SYT9: variants seen among roughly 807,000 people sequenced by gnomAD.
SYT9 encodes synaptotagmin-9.
In SYT9, 22 loss-of-function variants were observed where a neutral mutation model predicts 48.4. That is an observed-to-expected ratio of 0.45 (90% CI 0.32 to 0.65). The LOEUF is 0.65. Ranked by LOEUF, SYT9 falls within the 30% of genes least tolerant of loss-of-function variation. The pLI is 0.03. For synonymous variants in SYT9, 265 were observed against 245.0 expected, an observed-to-expected ratio of 1.08 and a Z score of -0.76; for missense variants, 577 against 622.0, an observed-to-expected ratio of 0.93 and a Z score of 0.77.
chr11:7,438,273 G>A (rs189443134), intron 6 of SYT9: 1 of 152,294 alleles, frequency 6.6e-6, no homozygotes, highest in East Asian at 1.9e-4. Context: ...AGAGGGAGGG[G>A]ATAACTGCTG....
chr11:7,407,328 T>C (rs916494992), intron 3 of SYT9, among the ~76,000 whole-genome samples: 8 of 151,774 alleles, frequency 5.3e-5, no homozygotes, highest in African/African-American at 1.9e-4. Context: ...TTTAGTAGTT[T>C]TACAGTCTCA....
At position 7,415,968 on chromosome 11, in the gene SYT9, T is replaced by A. The variant is rs1847238498; in HGVS notation, c.1045-74T>A. On this transcript the variant is annotated intron_variant, in intron 3 of 6. Coordinates refer to ENST00000318881, the MANE Select transcript of SYT9 (RefSeq NM_175733.4). Reference sequence around the variant, plus strand: ...AGGGGCAGTGTGTTCCCTTTCAGTGTGGCCTGAAGCTGAGCCTCTTGCACA... The same window carrying A: ...AGGGGCAGTGTGTTCCCTTTCAGTGAGGCCTGAAGCTGAGCCTCTTGCACA... 13 of 1,590,840 alleles carry A rather than the reference T, an allele frequency of 8.2e-6. No individual in the cohort carries two copies. In the South Asian group the frequency reaches 1.5e-4, roughly 18 times the overall value.
chr11:7,319,611 TA>T (rs1849304650), intron 3 of SYT9, among the ~76,000 whole-genome samples: 1 of 152,194 alleles, frequency 6.6e-6, no homozygotes, highest in African/African-American at 2.4e-5. Context: ...TTTCTTATGG[TA>T]GTGCAAGTTT....
At position 7,313,541 on chromosome 11, in the gene SYT9, G is replaced by A. The variant is rs753974212; in HGVS notation, c.644G>A (p.Arg215Gln). 65 of 1,613,994 alleles carry A rather than the reference G, an allele frequency of 4.0e-5. No homozygotes were observed. The East Asian group carries it at 4.2e-4, about 11-fold the overall frequency. ...TCATTGGATAATGATGACGGGAGAC[G>A]GAGTAACAGCAAGGCTTGTGGGAAA... ...QRSLDNDDGR[R>Q]SNSKACGKLN... Residue 215 changes from arginine to glutamine, a missense_variant, in exon 3 of 7, where the codon CGG (arginine) becomes CAG (glutamine). Arg to Gln is a conservative substitution (Grantham distance 43, BLOSUM62 1). Transcript: ENST00000318881.
chr11:7,246,236 A>G (rs1026464971), intron 1 of SYT9, among the ~76,000 whole-genome samples: 3 of 152,186 alleles, frequency 2.0e-5, no homozygotes, highest in African/African-American at 7.2e-5. Context: ...GCTGGCCACC[A>G]GTGGCCTAGT....
intron 1 of SYT9, among the ~76,000 whole-genome samples, chr11:7,269,036 A>G (rs1195784487): frequency 6.6e-6 from 1 of 152,106 alleles, no homozygotes; most frequent in Non-Finnish European, 1.5e-5. Context: ...AGGCCTGGCT[A>G]TATCATAGCA....
At chr11:7,332,107 C>G (rs1849545025) in intron 3 of SYT9, among the ~76,000 whole-genome samples, 1 of 152,094 alleles carries the variant, frequency 6.6e-6, no homozygotes, top group African/African-American at 2.4e-5. Context: ...TCAAGTGAAA[C>G]CCATAAAGAA....
chr11:7,313,381 G>A lies in SYT9; in HGVS notation c.498-14G>A. Reference sequence around the variant, plus strand: ...TAAGGTTATAACTTTGTTCTGTGTTGCTCTTCATTCAAGGCATAATTCAAT... The same window carrying A: ...TAAGGTTATAACTTTGTTCTGTGTTACTCTTCATTCAAGGCATAATTCAAT... On this transcript the variant is annotated splice_polypyrimidine_tract_variant and intron_variant, in intron 2 of 6. Coordinates refer to ENST00000318881, the MANE Select transcript of SYT9 (RefSeq NM_175733.4). 1 of 1,596,078 alleles carries A rather than the reference G, an allele frequency of 6.3e-7. No individual in the cohort carries two copies. Among genetic ancestry groups the A allele is most frequent in the African/African-American group, 1.3e-5 (1 of 74,350 alleles).
At chr11:7,390,917 C>T (rs1309743163) in intron 3 of SYT9, among the ~76,000 whole-genome samples, 1 of 152,046 alleles carries the variant, frequency 6.6e-6, no homozygotes, top group Non-Finnish European at 1.5e-5. Flanking sequence ...TCTATTGGTC[C>T]TGTCATGGAG....
intron 3 of SYT9, among the ~76,000 whole-genome samples, chr11:7,332,072 C>G (rs74053716): frequency 0.02 from 3,100 of 152,200 alleles, 101 homozygotes; most frequent in African/African-American, 0.071. Flanking sequence ...GATTCTCGTG[C>G]AAGTGACTTA....
chr11:7,376,662 G>A (rs538937662), intron 3 of SYT9, among the ~76,000 whole-genome samples: 1 of 152,014 alleles, frequency 6.6e-6, no homozygotes, highest in Non-Finnish European at 1.5e-5. Context: ...TTCTAGAAAG[G>A]CCTGTTAGTC....
intron 3 of SYT9, among the ~76,000 whole-genome samples, chr11:7,342,479 C>T (rs930034890): frequency 5.3e-5 from 8 of 152,196 alleles, no homozygotes; most frequent in Non-Finnish European, 8.8e-5. Context: ...CTTAAAGCTC[C>T]AATATGATAT....
intron 3 of SYT9, among the ~76,000 whole-genome samples, chr11:7,373,941 A>G (rs1850407714): frequency 6.6e-6 from 1 of 152,020 alleles, no homozygotes; most frequent in Non-Finnish European, 1.5e-5. Context: ...TTATTATTAT[A>G]CTTTAAGTTT....
At position 7,252,080 on chromosome 11, in the gene SYT9, C is replaced by G; in HGVS notation, c.-107C>G. 1 of 1,249,696 alleles carries G rather than the reference C, an allele frequency of 8.0e-7. No individual in the cohort carries two copies. Among genetic ancestry groups the G allele is most frequent in the African/African-American group, 1.6e-5 (1 of 63,470 alleles). The allele number at this position is 1,249,696 out of a possible 1,614,324, so 77.4% of individuals were successfully genotyped here. A position where few individuals can be genotyped will look rare whatever the true frequency, so the allele number is the denominator to read the frequency against. ...GGCTCGCACCGTTTCTCGGCAGGTC[C>G]CTGGCGGTGAGCGCGGACGGCCCGG... On this transcript the variant is annotated 5_prime_UTR_variant, in exon 1 of 7. Transcript: ENST00000318881. The surrounding 1 kb of genome is among the most constrained non-coding windows in gnomAD (Gnocchi z 6.3).
chr11:7,321,515 T>C (rs942836081), intron 3 of SYT9, among the ~76,000 whole-genome samples: 103 of 152,230 alleles, frequency 6.8e-4, no homozygotes, highest in African/African-American at 2.3e-3. Flanking sequence ...CATATGTGAT[T>C]ATTATATTGA....
At chr11:7,302,431 C>G (rs1848939013) in intron 1 of SYT9, among the ~76,000 whole-genome samples, 1 of 152,180 alleles carries the variant, frequency 6.6e-6, no homozygotes, top group Non-Finnish European at 1.5e-5. Flanking sequence ...GAAACCCAAA[C>G]TACAATATTC....
chr11:7,315,727 G>T (rs942052006), intron 3 of SYT9, among the ~76,000 whole-genome samples: 11 of 152,296 alleles, frequency 7.2e-5, no homozygotes, highest in Admixed American at 2.6e-4. Context: ...TGTGGAACAA[G>T]AATATGGAGT....
chr11:7,240,661 C>G (rs866525353), intron 1 of SYT9, among the ~76,000 whole-genome samples: 1 of 152,114 alleles, frequency 6.6e-6, no homozygotes, highest in Non-Finnish European at 1.5e-5. Flanking sequence ...AAACGAACTA[C>G]TACTTCAAAT....
chr11:7,353,587 A>G (rs923928143), intron 3 of SYT9, among the ~76,000 whole-genome samples: 60 of 152,340 alleles, frequency 3.9e-4, no homozygotes, highest in African/African-American at 1.4e-3. Flanking sequence ...CCTTGAGGGC[A>G]GGGAGGATCT....
Sources: gnomAD v4.1 joint callset for allele counts (sites outside exome capture counted in the v4.1 genomes callset) on GRCh38, gnomAD v4.1.1 for gene constraint, Gnocchi (gnomAD v3.1) non-coding constraint, MANE v1.5 for transcripts, NCBI Gene and HGNC (gene_info 2026-07-23, HGNC 2026-07-21) for gene names.